SEMA3E: variants seen among roughly 807,000 people sequenced by gnomAD.
The protein encoded by SEMA3E is semaphorin 3E.
Under a neutral mutation model 93.6 loss-of-function variants are expected in SEMA3E, and 49 were observed. The ratio of observed to expected loss-of-function variants is 0.52; its 90% CI spans 0.42 to 0.66. SEMA3E has a LOEUF of 0.66. Ranked by LOEUF, SEMA3E falls within the 30% of genes least tolerant of loss-of-function variation. The pLI, the probability that SEMA3E is intolerant of heterozygous loss-of-function variation, is 0.00. For synonymous variants in SEMA3E, 363 were observed against 330.7 expected (o/e 1.10, Z -1.06); for missense variants, 906 against 964.8 (o/e 0.94, Z 0.81).
intron 11 of SEMA3E, among the ~76,000 whole-genome samples, chr7:83,399,071 C>T (rs938903629): frequency 6.6e-6 from 1 of 152,174 alleles, no homozygotes; most frequent in African/African-American, 2.4e-5. Context: ...GTTTCCTGAT[C>T]TGGGCTTATG....
At chr7:83,625,073 C>T (rs1386182858) in intron 1 of SEMA3E, among the ~76,000 whole-genome samples, 1 of 152,096 alleles carries the variant, frequency 6.6e-6, no homozygotes, top group African/African-American at 2.4e-5. Flanking sequence ...TGTTCTGTTC[C>T]ATTGGCCTAC....
chr7:83,385,524 G>A, intron 15 of SEMA3E, 91 bp from the exon 16 acceptor site: 1 of 1,238,458 alleles, frequency 8.1e-7, no homozygotes, highest in Admixed American at 1.7e-5. Context: ...GCAGTAACAT[G>A]ATTAACTCAT....
At chr7:83,466,214 T>C (rs1789752688) in intron 4 of SEMA3E, among the ~76,000 whole-genome samples, 1 of 152,132 alleles carries the variant, frequency 6.6e-6, no homozygotes, top group Non-Finnish European at 1.5e-5. Context: ...AGAACACAGT[T>C]TGATGTTAAG....
At chr7:83,530,271 G>T (rs939423375) in intron 1 of SEMA3E, among the ~76,000 whole-genome samples, 35 of 151,928 alleles carry the variant, frequency 2.3e-4, no homozygotes, top group Admixed American at 6.6e-4. Flanking sequence ...GAAAACTGAA[G>T]AACAAAAAAA....
At chr7:83,592,125 T>A (rs1792767884) in intron 1 of SEMA3E, among the ~76,000 whole-genome samples, 1 of 152,174 alleles carries the variant, frequency 6.6e-6, no homozygotes, top group South Asian at 2.1e-4. Flanking sequence ...AATGAAAAAA[T>A]TCTTTACCAT....
chr7:83,439,961 T>C (rs1789079802), intron 4 of SEMA3E, among the ~76,000 whole-genome samples: 1 of 152,226 alleles, frequency 6.6e-6, no homozygotes, highest in South Asian at 2.1e-4. Context: ...ATAAACACAG[T>C]ATCTAACACC....
chr7:83,467,635 G>T (rs1422435061), intron 3 of SEMA3E, among the ~76,000 whole-genome samples: 1 of 152,140 alleles, frequency 6.6e-6, no homozygotes, highest in African/African-American at 2.4e-5. Context: ...CATGAAAGGA[G>T]CCATAAACAA....
rs1043277250 is a variant in SEMA3E at position 83,408,590 on chromosome 7, A to G, written c.551-103T>C. 33 of 1,239,096 alleles carry G rather than the reference A, an allele frequency of 2.7e-5. 1 individual carries two copies. In the East Asian group the frequency reaches 5.8e-4, roughly 22 times the overall value. 76.8% of individuals were successfully genotyped at this position (1,239,096 alleles called of 1,614,324 possible). Reference sequence around the variant, plus strand: ...GTGTATCTATAATATGTACTTTATGACATTAATACTATTGCTGTTAGGAGC... The same window carrying G: ...GTGTATCTATAATATGTACTTTATGGCATTAATACTATTGCTGTTAGGAGC... On this transcript the variant is annotated intron_variant, in intron 5 of 16. Transcript: ENST00000643230.
At chr7:83,522,444 A>T (rs1163938885) in intron 1 of SEMA3E, among the ~76,000 whole-genome samples, 2 of 152,074 alleles carry the variant, frequency 1.3e-5, no homozygotes, top group Non-Finnish European at 2.9e-5. Flanking sequence ...ATCAGGGTAC[A>T]TCTAGGGGTT....
At chr7:83,493,239 G>A (rs1008949424) in intron 1 of SEMA3E, among the ~76,000 whole-genome samples, 1 of 151,888 alleles carries the variant, frequency 6.6e-6, no homozygotes, top group Non-Finnish European at 1.5e-5. Context: ...CAAAGGGAGG[G>A]AGTGGTGAAT....
rs3801579 is a variant in SEMA3E at position 83,634,052 on chromosome 7, G to C, written c.115+14376C>G. 1.4e-3 allele frequency among the ~76,000 whole-genome samples: 207 copies of C among 152,232 alleles called. 5 individuals carry two copies. In the East Asian group the frequency reaches 0.036, roughly 27 times the overall value. ...TCAAAAATGAAGCACTACCAACTCTGCTAACTATCCAATAGATATAAATTA... is the reference window on the plus strand; with the variant it reads ...TCAAAAATGAAGCACTACCAACTCTCCTAACTATCCAATAGATATAAATTA... On this transcript the variant is annotated intron_variant, in intron 1 of 16. Transcript: ENST00000643230.
chr7:83,380,506 T>C (rs181125700), intron 16 of SEMA3E, among the ~76,000 whole-genome samples: 28 of 152,030 alleles, frequency 1.8e-4, no homozygotes, highest in Admixed American at 3.3e-4. Context: ...ATATTGTTTT[T>C]CATCTTGTAA....
rs116257933 is a variant in SEMA3E at position 83,510,669 on chromosome 7, T to A, written c.116-20395A>T. On this transcript the variant is annotated intron_variant, in intron 1 of 16. Coordinates refer to ENST00000643230, the MANE Select transcript of SEMA3E (RefSeq NM_012431.3). ...TTTCGATAGAATATTCCTTATCAAT[T>A]GTTATGATTTTTACCTGGCAAAAGT... 5.6e-3 allele frequency among the ~76,000 whole-genome samples: 849 copies of A among 152,262 alleles called. 11 individuals carry two copies. The highest frequency in any genetic ancestry group is 0.019 in the African/African-American group (786 of 41,556).
chr7:83,432,513 G>C (rs2115750117), intron 4 of SEMA3E, among the ~76,000 whole-genome samples: 1 of 152,220 alleles, frequency 6.6e-6, no homozygotes, highest in South Asian at 2.1e-4. Flanking sequence ...AGCAATAACT[G>C]TCAAAGGTCT....
intron 4 of SEMA3E, among the ~76,000 whole-genome samples, chr7:83,426,941 T>G (rs1788783402): frequency 6.6e-6 from 1 of 152,098 alleles, no homozygotes; most frequent in South Asian, 2.1e-4. Flanking sequence ...AATCTATACT[T>G]TTATGATTTA....
At chr7:83,648,249 T>A (rs1373846005) in intron 1 of SEMA3E, among the ~76,000 whole-genome samples, 179 bp downstream of exon 1, 1 of 152,022 alleles carries the variant, frequency 6.6e-6, no homozygotes, top group African/African-American at 2.4e-5. Flanking sequence ...ATGAGGTGAG[T>A]ATGACACATT....
intron 2 of SEMA3E, among the ~76,000 whole-genome samples, chr7:83,480,177 A>G (rs896000042): frequency 6.6e-6 from 1 of 152,312 alleles, no homozygotes; most frequent in Middle Eastern, 3.4e-3. Flanking sequence ...ACAGTGGCTC[A>G]CGCCTGTAAT....
intron 16 of SEMA3E, among the ~76,000 whole-genome samples, chr7:83,377,666 G>C (rs1326592232): frequency 6.6e-6 from 1 of 151,992 alleles, no homozygotes; most frequent in Non-Finnish European, 1.5e-5. Context: ...TTTAAAATGT[G>C]TATGAAATTG....
At chr7:83,554,260 T>C (rs1183736250) in intron 1 of SEMA3E, among the ~76,000 whole-genome samples, 1 of 152,184 alleles carries the variant, frequency 6.6e-6, no homozygotes, top group Non-Finnish European at 1.5e-5. Flanking sequence ...AAAATTGGTA[T>C]ACAAAATCCA....
Sources: allele counts gnomAD v4.1 joint callset (sites outside exome capture counted in the v4.1 genomes callset), GRCh38; gene constraint gnomAD v4.1.1; transcripts MANE v1.5; gene names NCBI Gene and HGNC (gene_info 2026-07-23, HGNC 2026-07-21).